The following GRIN2D variants were observed in gnomAD, a reference collection of about 807,000 sequenced individuals.
GRIN2D encodes the protein glutamate ionotropic receptor NMDA type subunit 2D.
Under a neutral mutation model 103.2 loss-of-function variants are expected in GRIN2D, and 37 were observed. That is an observed-to-expected ratio of 0.36 (90% CI 0.28 to 0.47). The LOEUF is 0.47. Among genes scored for constraint, GRIN2D ranks in the 20% least tolerant of loss-of-function variants. The pLI, the probability that GRIN2D is intolerant of heterozygous loss-of-function variation, is 1.00. For synonymous variants in GRIN2D, 845 were observed against 885.6 expected (o/e 0.95, Z 0.81); for missense variants, 1,557 against 1,910.6 (o/e 0.81, Z 3.45).
intron 11 of GRIN2D, among the ~76,000 whole-genome samples, chr19:48,436,150 G>A (rs947607009): frequency 6.6e-6 from 1 of 152,216 alleles, no homozygotes; most frequent in Admixed American, 6.5e-5. Context: ...AGAGCCGGCT[G>A]TGTGGGAGAC....
Position 48,414,061 on chromosome 19 carries a change from T to C in GRIN2D, c.1156T>C (p.Ser386Pro). The C allele has an allele frequency of 1.2e-6, 2 of 1,612,362 alleles. No homozygotes were observed. The highest frequency in any genetic ancestry group is 1.7e-6 in the Non-Finnish European group (2 of 1,178,504). Residue 386 changes from serine to proline, a missense_variant, in exon 5 of 14, where the codon TCC becomes CCC. Around this residue, in one of 7 missense-constraint regions of GRIN2D, gnomAD observed 490 missense variants for 601.1 expected, o/e 0.82. Transcript: ENST00000263269. This position sits in a 1 kb window ranked among gnomAD's most constrained non-coding sequence, Gnocchi z 4.6. ...FNEDGFLVNP[S>P]LVVISLTRDR... ...TGAGGACGGCTTCCTAGTGAACCCCTCCCTGGTGGTCATCTCCCTCACCAG... is the reference window on the plus strand; with the variant it reads ...TGAGGACGGCTTCCTAGTGAACCCCCCCCTGGTGGTCATCTCCCTCACCAG...
chr19:48,424,329 G>A (rs1397143343), intron 11 of GRIN2D, among the ~76,000 whole-genome samples: 4 of 144,072 alleles, frequency 2.8e-5, no homozygotes, highest in Admixed American at 2.1e-4. Flanking sequence ...GGAGTGCAGT[G>A]GCACAATCTC....
chr19:48,414,005 T>A lies in GRIN2D; in HGVS notation c.1100T>A (p.Ile367Asn). The A allele has an allele frequency of 6.2e-7, 1 of 1,606,044 alleles. No homozygotes were observed. Among genetic ancestry groups the A allele is most frequent in the Non-Finnish European group, 8.5e-7 (1 of 1,172,734 alleles). ...GESLHRYFMN[I>N]TWDNRDYSFN... ...CTCCTGGGCAGGTACTTCATGAACA[T>A]CACGTGGGATAACCGGGATTACTCC... Residue 367 changes from isoleucine to asparagine, a missense_variant, in exon 5 of 14, where the codon ATC becomes AAC. This residue lies in a region of GRIN2D where 490 missense variants were observed against 601.1 expected (regional missense o/e 0.82). Coordinates refer to ENST00000263269, the MANE Select transcript of GRIN2D (RefSeq NM_000836.4). The surrounding 1 kb of genome is among the most constrained non-coding windows in gnomAD (Gnocchi z 4.6).
intron 3 of GRIN2D, among the ~76,000 whole-genome samples, chr19:48,403,198 C>CAAAAAAAA (rs145115482): frequency 1.1e-5 from 1 of 91,318 alleles, no homozygotes; most frequent in Non-Finnish European, 2.3e-5. Context: ...GACTCTGTCT[C>CAAAAAAAA]AAAAAAAAAA....
Position 48,442,060 on chromosome 19 carries a change from G to A in GRIN2D, c.2441-90G>A. ...GACCCGGACACCAGGGTCTGAGGGA[G>A]GAAGGGGCTAAGGGCCTACATTCCC... On this transcript the variant is annotated intron_variant, in intron 12 of 13. Transcript: ENST00000263269. The surrounding 1 kb of genome is among the most constrained non-coding windows in gnomAD (Gnocchi z 7.2). The A allele has an allele frequency of 1.3e-6, 2 of 1,508,694 alleles. No homozygotes were observed. Among genetic ancestry groups the A allele is most frequent in the South Asian group, 2.3e-5 (2 of 85,866 alleles). 93.5% of individuals were successfully genotyped at this position (1,508,694 alleles called of 1,614,324 possible).
intron 8 of GRIN2D, 24 bp downstream of exon 8, chr19:48,416,179 G>C (rs767715878): frequency 6.2e-7 from 1 of 1,609,976 alleles, no homozygotes; most frequent in Non-Finnish European, 8.5e-7. Context: ...CTGGGACAGG[G>C]AGCTAGCCCT....
intron 3 of GRIN2D, among the ~76,000 whole-genome samples, 197 bp from the exon 4 acceptor site, chr19:48,404,537 A>G (rs1425963309): frequency 6.6e-6 from 1 of 152,196 alleles, no homozygotes; most frequent in African/African-American, 2.4e-5. Context: ...CTAAGGTTTT[A>G]TGGATGAGTC....
In GRIN2D at chr19:48,405,201, C is replaced by G. The variant is rs776318286; in HGVS notation, c.933C>G (p.Gly311=). The change falls in exon 4 of 14, where the codon GGC becomes GGG. Residue 311 remains glycine (G), a synonymous_variant. Transcript: ENST00000263269. This position sits in a 1 kb window ranked among gnomAD's most constrained non-coding sequence, Gnocchi z 5.1. ...GGCTGTTTGCAGTGCGCTCGGCTGG[C>G]TGGCGGGATGACCTGGCTCGGCGAG... ...PAGLFAVRSA[G]WRDDLARRVA... is the part of the protein sequence containing the mutation. 1 of 1,602,994 alleles carries G rather than the reference C, an allele frequency of 6.2e-7. No homozygotes were observed. Among genetic ancestry groups the G allele is most frequent in the South Asian group, 1.1e-5 (1 of 90,268 alleles).
At chr19:48,412,429 G>GAAAGA (rs1312621009) in intron 4 of GRIN2D, among the ~76,000 whole-genome samples, 4 of 92,198 alleles carry the variant, frequency 4.3e-5, no homozygotes, top group Admixed American at 3.9e-4. Context: ...AGAAAAGAAA[G>GAAAGA]AAAGAAAGAA....
chr19:48,401,267 A>G (rs7246449), intron 3 of GRIN2D, among the ~76,000 whole-genome samples: 3,401 of 145,018 alleles, frequency 0.023, 62 homozygotes, highest in Admixed American at 0.04. Flanking sequence ...GGGGGGGGGA[A>G]AAAAAGAGAG....
At position 48,414,360 on chromosome 19, in the gene GRIN2D, C is replaced by G. The variant is rs1181960999; in HGVS notation, c.1201-13C>G. ...CTTCCCAGGAAGCCTGACTCTCTTT[C>G]CCTTTGGCCAAGGTGGGCAGCTGGG... is the stretch of plus-strand genomic sequence containing the variant. On this transcript the variant is annotated splice_polypyrimidine_tract_variant and intron_variant, in intron 5 of 13. Coordinates refer to ENST00000263269, the MANE Select transcript of GRIN2D (RefSeq NM_000836.4). The surrounding 1 kb of genome is among the most constrained non-coding windows in gnomAD (Gnocchi z 4.6). The G allele has an allele frequency of 6.3e-7, 1 of 1,592,778 alleles. No individual in the cohort carries two copies.
chr19:48,425,098 C>T (rs984182079), intron 11 of GRIN2D, among the ~76,000 whole-genome samples: 11 of 152,068 alleles, frequency 7.2e-5, no homozygotes, highest in African/African-American at 1.4e-4. Context: ...GCTTCACTTG[C>T]GCCTTCCTCA....
intron 3 of GRIN2D, among the ~76,000 whole-genome samples, chr19:48,401,626 G>T (rs1221842610): frequency 6.6e-6 from 1 of 152,222 alleles, no homozygotes; most frequent in Non-Finnish European, 1.5e-5. Context: ...AGGAGATGAG[G>T]TCAGAGAAGC....
chr19:48,431,173 G>T (rs1220606682), intron 11 of GRIN2D, among the ~76,000 whole-genome samples: 1 of 152,172 alleles, frequency 6.6e-6, no homozygotes, highest in Non-Finnish European at 1.5e-5. Flanking sequence ...GCCTGCTCCA[G>T]CCTGGGCATA....
chr19:48,411,417 C>T (rs74174255), intron 4 of GRIN2D, among the ~76,000 whole-genome samples: 8,417 of 151,440 alleles, frequency 0.056, 382 homozygotes, highest in East Asian at 0.22. Flanking sequence ...TTTGGGAGGC[C>T]GAGGTGGGCA....
chr19:48,411,362 T>C (rs951652095), intron 4 of GRIN2D, among the ~76,000 whole-genome samples: 10 of 133,006 alleles, frequency 7.5e-5, no homozygotes, highest in Non-Finnish European at 1.1e-4. Context: ...ATAATAATAA[T>C]AATAATAGGC....
intron 11 of GRIN2D, among the ~76,000 whole-genome samples, chr19:48,427,808 G>A (rs1365320961): frequency 6.6e-6 from 1 of 151,882 alleles, no homozygotes; most frequent in Non-Finnish European, 1.5e-5. Flanking sequence ...AATTTACTTT[G>A]ATGTTTATTA....
At chr19:48,433,155 G>A (rs1448899462) in intron 11 of GRIN2D, among the ~76,000 whole-genome samples, 1 of 148,660 alleles carries the variant, frequency 6.7e-6, no homozygotes, top group East Asian at 2.1e-4. Flanking sequence ...ATTGCCTGAG[G>A]TCAGGAGTTC....
intron 4 of GRIN2D, among the ~76,000 whole-genome samples, chr19:48,406,314 G>A (rs888530287): frequency 6.6e-6 from 1 of 152,242 alleles, no homozygotes; most frequent in African/African-American, 2.4e-5. Context: ...AGCTGGACAG[G>A]TGTGTGCCCA....
Sources: allele counts gnomAD v4.1 joint callset (sites outside exome capture counted in the v4.1 genomes callset), GRCh38; gene constraint gnomAD v4.1.1; regional missense constraint gnomAD v4.1.1; non-coding constraint Gnocchi (gnomAD v3.1); transcripts MANE v1.5; gene names NCBI Gene and HGNC (gene_info 2026-07-23, HGNC 2026-07-21).